Variants in DLEC1 observed in about 807,000 individuals in gnomAD.
DLEC1 encodes the protein deleted in lung and esophageal cancer protein 1.
DLEC1 carries 146 observed loss-of-function variants against 198.1 expected under a neutral mutation model. That is an observed-to-expected ratio of 0.74 (90% confidence interval 0.64 to 0.85). DLEC1 has a LOEUF of 0.85. Among genes scored for constraint, DLEC1 ranks in the 40% least tolerant of loss-of-function variants. The pLI, the probability that DLEC1 is intolerant of heterozygous loss-of-function variation, is 0.00. For synonymous variants in DLEC1, 897 were observed against 866.8 expected, an observed-to-expected ratio of 1.03 and a Z score of -0.61; for missense variants, 2,233 against 2,220.0, an observed-to-expected ratio of 1.01 and a Z score of -0.12.
chr3:38,083,373 G>C (rs1336511529), intron 6 of DLEC1, among the ~76,000 whole-genome samples: 1 of 151,904 alleles, frequency 6.6e-6, no homozygotes, highest in Non-Finnish European at 1.5e-5. Context: ...AGGCAGGAGT[G>C]GGGGTTGCAA....
chr3:38,117,962 T>C lies in DLEC1; in HGVS notation c.4642T>C (p.Cys1548Arg). The C allele has an allele frequency of 1.2e-6, 2 of 1,613,322 alleles. No individual in the cohort carries two copies. Among genetic ancestry groups the C allele is most frequent in the Non-Finnish European group, 1.7e-6 (2 of 1,179,766 alleles). The change falls in exon 33 of 37, where the codon TGT becomes CGT. Residue 1548 changes from cysteine (C) to arginine (R), a missense_variant. Cys to Arg is a radical substitution (Grantham distance 180). Transcript: ENST00000308059. ...TCCTGGCCCTGGCCAGAAGCAGGAG[T>C]GTGAGGAGGAGACAGCCTCAGCGGA... The part of the protein sequence containing the change: ...RAPGPGQKQE[C>R]EEETASADKQ...
chr3:38,084,401 A>G (rs201830481), intron 7 of DLEC1, among the ~76,000 whole-genome samples, 156 bp downstream of exon 7: 184 of 6,908 alleles, frequency 0.027, no homozygotes, highest in Middle Eastern at 0.17. Context: ...TAGTAGTAGT[A>G]GTGGTGGTGG....
chr3:38,097,814 A>C lies in DLEC1; in HGVS notation c.2636A>C (p.Asn879Thr). 6.2e-7 allele frequency: 1 copy of C among 1,613,832 alleles called. No homozygotes were observed. The highest frequency in any genetic ancestry group is 8.5e-7 in the Non-Finnish European group (1 of 1,179,942). Residue 879 changes from asparagine to threonine, a missense_variant, in exon 18 of 37, where the codon AAC (asparagine) becomes ACC (threonine). Transcript: ENST00000308059. ...GLLRLGQKAT[N>T]SIQIRNVSQL... ...CTCCGCCTGGGGCAGAAAGCCACAA[A>C]CTCCATCCAGATCCGGAACGTCAGC...
rs754051977 is a variant in DLEC1, at chr3:38,122,379, T to C, written c.5235T>C (p.Tyr1745=). ...TGCGGCTCCGGGGCCAAGGCTCCTATGATGAGAGATACATGTTGCCTCACC... is the reference window on the plus strand; with the variant it reads ...TGCGGCTCCGGGGCCAAGGCTCCTACGATGAGAGATACATGTTGCCTCACC... ...CTLRLRGQGS[Y]DERYMLPHQP Residue 1745 remains tyrosine (Y), a synonymous_variant, in exon 37 of 37, where the codon TAT becomes TAC. Coordinates refer to ENST00000308059, the MANE Select transcript of DLEC1 (RefSeq NM_007335.4). 1.9e-6 allele frequency: 3 copies of C among 1,614,104 alleles called. No homozygotes were observed. The highest frequency in any genetic ancestry group is 4.5e-5 in the East Asian group (2 of 44,872).
At chr3:38,083,808 T>C (rs923505688) in intron 6 of DLEC1, among the ~76,000 whole-genome samples, 1 of 152,092 alleles carries the variant, frequency 6.6e-6, no homozygotes, top group African/African-American at 2.4e-5. Context: ...TTGTTTTTTT[T>C]TTTGGTAGAG....
chr3:38,056,464 G>A (rs13326547), intron 2 of DLEC1, among the ~76,000 whole-genome samples: 3 of 151,840 alleles, frequency 2.0e-5, no homozygotes, highest in Non-Finnish European at 2.9e-5. Flanking sequence ...CATGTGCCAC[G>A]AGGCCTGGCT....
At chr3:38,090,057 G>A (rs1412888973) in intron 10 of DLEC1, among the ~76,000 whole-genome samples, 2 of 152,088 alleles carry the variant, frequency 1.3e-5, no homozygotes, top group East Asian at 1.9e-4. Flanking sequence ...AGAGCCAGGT[G>A]TAGTGGCTCA....
chr3:38,076,816 A>C (rs1697650406), intron 6 of DLEC1, among the ~76,000 whole-genome samples: 1 of 152,050 alleles, frequency 6.6e-6, no homozygotes, highest in Non-Finnish European at 1.5e-5. Flanking sequence ...ATTTTGGGGG[A>C]TGGTATGGAG....
chr3:38,056,315 G>T (rs1696372501), intron 2 of DLEC1, among the ~76,000 whole-genome samples: 1 of 152,020 alleles, frequency 6.6e-6, no homozygotes, highest in African/African-American at 2.4e-5. Context: ...TTTTGGTTTT[G>T]TTTTTGTTTT....
chr3:38,048,140 A>G (rs1300382825), intron 2 of DLEC1, among the ~76,000 whole-genome samples: 1 of 152,152 alleles, frequency 6.6e-6, no homozygotes, highest in Non-Finnish European at 1.5e-5. Context: ...GATTCATTTG[A>G]CAATCAGCTG....
chr3:38,108,328 G>A, intron 20 of DLEC1, 77 bp from the exon 21 acceptor site: 1 of 1,217,592 alleles, frequency 8.2e-7, no homozygotes, highest in Non-Finnish European at 1.2e-6. Flanking sequence ...GCATGCAGCA[G>A]TGCTGAGCAC....
rs779650635 is a variant in DLEC1, at chr3:38,092,777, T to C, written c.1666-13T>C. On this transcript the variant is annotated splice_polypyrimidine_tract_variant and intron_variant, in intron 10 of 36. Coordinates refer to ENST00000308059, the MANE Select transcript of DLEC1 (RefSeq NM_007335.4). The stretch of plus-strand genomic sequence containing the variant: ...TTAATGGGAGGTAACGGAACAACCC[T>C]TCTCTCCCCCAGGTCTTGTTTTCCC... 1.2e-6 allele frequency: 2 copies of C among 1,613,702 alleles called. No individual in the cohort carries two copies. Among genetic ancestry groups the C allele is most frequent in the Admixed American group, 3.3e-5 (2 of 60,012 alleles).
intron 1 of DLEC1, among the ~76,000 whole-genome samples, chr3:38,040,958 G>A (rs143167040): frequency 1.2e-3 from 184 of 151,948 alleles, no homozygotes; most frequent in African/African-American, 3.9e-3. Context: ...TCCCTCCTCA[G>A]CATCTGGAGT....
chr3:38,071,507 C>A (rs1027758303), intron 6 of DLEC1, among the ~76,000 whole-genome samples: 1 of 152,178 alleles, frequency 6.6e-6, no homozygotes. Flanking sequence ...GGTCTAAGAA[C>A]TATTTGCCTT....
At chr3:38,091,690 C>T (rs1299202242) in intron 10 of DLEC1, among the ~76,000 whole-genome samples, 1 of 151,258 alleles carries the variant, frequency 6.6e-6, no homozygotes, top group East Asian at 1.9e-4. Context: ...TTTTAATGGG[C>T]CAAAGACCAA....
chr3:38,096,955 G>A (rs1403708467), intron 15 of DLEC1, among the ~76,000 whole-genome samples: 1 of 152,176 alleles, frequency 6.6e-6, no homozygotes, highest in Admixed American at 6.5e-5. Flanking sequence ...GAAAGTTAGG[G>A]CTATGGAACC....
intron 25 of DLEC1, among the ~76,000 whole-genome samples, chr3:38,113,314 A>T (rs1699983854): frequency 6.6e-6 from 1 of 152,228 alleles, no homozygotes; most frequent in South Asian, 2.1e-4. Context: ...AGAGGAGTGG[A>T]TACAGACATT....
At position 38,117,944 on chromosome 3, in the gene DLEC1, C is replaced by T. The variant is rs1225496570; in HGVS notation, c.4624C>T (p.Pro1542Ser). The part of the protein sequence containing the change: ...GASQDHRAPG[P>S]GQKQECEEET... ...GAGCCAGGACCACAGAGCTCCTGGC[C>T]CTGGCCAGAAGCAGGAGTGTGAGGA... The change falls in exon 33 of 37, where the codon CCT becomes TCT. Residue 1542 changes from proline (P) to serine (S), a missense_variant. Pro to Ser is a moderately conservative substitution (Grantham distance 74). Coordinates refer to ENST00000308059, the MANE Select transcript of DLEC1 (RefSeq NM_007335.4). 6.2e-7 allele frequency: 1 copy of T among 1,614,050 alleles called. No homozygotes were observed. Among genetic ancestry groups the T allele is most frequent in the Non-Finnish European group, 8.5e-7 (1 of 1,179,988 alleles).
intron 2 of DLEC1, among the ~76,000 whole-genome samples, chr3:38,056,116 CAA>C (rs1553612293): frequency 3.6e-5 from 4 of 110,898 alleles, no homozygotes; most frequent in South Asian, 2.7e-4. Flanking sequence ...CACACACACA[CAA>C]ATAGCTGAGT....
Sources: allele counts gnomAD v4.1 joint callset (sites outside exome capture counted in the v4.1 genomes callset), GRCh38; gene constraint gnomAD v4.1.1; transcripts MANE v1.5; gene names NCBI Gene and HGNC (gene_info 2026-07-23, HGNC 2026-07-21).